The following GALNTL6 variants were observed in gnomAD, a reference collection of about 807,000 sequenced individuals.
The protein encoded by GALNTL6 is polypeptide N-acetylgalactosaminyltransferase like 6, also known as polypeptide N-acetylgalactosaminyltransferase-like 6.
Under a neutral mutation model 73.7 loss-of-function variants are expected in GALNTL6, and 46 were observed. The ratio of observed to expected loss-of-function variants is 0.62; its 90% confidence interval spans 0.49 to 0.80. The LOEUF is 0.80. Ranked by LOEUF, GALNTL6 falls within the 30% of genes least tolerant of loss-of-function variation. The pLI is 0.00. For synonymous variants in GALNTL6, 259 were observed against 263.7 expected (o/e 0.98, Z 0.17); for missense variants, 604 against 755.0 (o/e 0.80, Z 2.34).
intron 5 of GALNTL6, among the ~76,000 whole-genome samples, chr4:172,488,943 T>G (rs1733799993): frequency 1.3e-5 from 2 of 152,194 alleles, no homozygotes; most frequent in Admixed American, 1.3e-4. Context: ...CTGGCATTTC[T>G]GAATATCCCT....
intron 2 of GALNTL6, among the ~76,000 whole-genome samples, chr4:171,982,558 A>G (rs983134679): frequency 1.3e-5 from 2 of 152,016 alleles, no homozygotes; most frequent in African/African-American, 4.8e-5. Context: ...TCAGCCTCCC[A>G]AAGTGCTGGG....
intron 2 of GALNTL6, among the ~76,000 whole-genome samples, chr4:172,035,239 A>T (rs1029983123): frequency 2.6e-5 from 4 of 152,156 alleles, no homozygotes; most frequent in African/African-American, 9.6e-5. Context: ...TAAAGTTTTC[A>T]AGAATAATAG....
intron 2 of GALNTL6, among the ~76,000 whole-genome samples, chr4:172,051,409 C>T (rs1730859102): frequency 1.3e-5 from 2 of 152,116 alleles, no homozygotes; most frequent in Admixed American, 1.3e-4. Context: ...TCAGGTCACA[C>T]ATGGACTTGA....
intron 5 of GALNTL6, among the ~76,000 whole-genome samples, chr4:172,419,658 T>A (rs1339099674): frequency 6.6e-6 from 1 of 152,168 alleles, no homozygotes; most frequent in East Asian, 1.9e-4. Context: ...AAAATTGCAA[T>A]GAGAAGTGAG....
At chr4:173,009,145 C>A (rs1275151172) in intron 10 of GALNTL6, 33 bp from the exon 11 acceptor site, 6 of 1,382,092 alleles carry the variant, frequency 4.3e-6, no homozygotes, top group South Asian at 2.3e-5. Context: ...TACGACATAG[C>A]CCCACACTCA....
intron 9 of GALNTL6, among the ~76,000 whole-genome samples, chr4:172,941,013 T>A (rs1372006887): frequency 6.6e-6 from 1 of 152,218 alleles, no homozygotes; most frequent in African/African-American, 2.4e-5. Context: ...TTCCAACTTA[T>A]TTACTCTAAA....
chr4:172,062,336 G>A (rs201160979), intron 2 of GALNTL6, among the ~76,000 whole-genome samples: 61 of 152,126 alleles, frequency 4.0e-4, no homozygotes, highest in African/African-American at 1.2e-3. Context: ...GACCAAATAC[G>A]AATCAAATGT....
chr4:172,700,648 C>CA (rs1420627348), intron 5 of GALNTL6, among the ~76,000 whole-genome samples: 2 of 152,018 alleles, frequency 1.3e-5, no homozygotes, highest in Non-Finnish European at 2.9e-5. Flanking sequence ...CAAAGGAATA[C>CA]AAAAAAGGTG....
At chr4:171,988,227 C>G (rs1036780740) in intron 2 of GALNTL6, among the ~76,000 whole-genome samples, 2 of 152,062 alleles carry the variant, frequency 1.3e-5, no homozygotes, top group African/African-American at 4.8e-5. Context: ...ACTAAGCATG[C>G]CTAGGAAGGA....
chr4:172,350,498 GA>G (rs1487558386), intron 5 of GALNTL6, among the ~76,000 whole-genome samples: 1 of 152,048 alleles, frequency 6.6e-6, no homozygotes, highest in African/African-American at 2.4e-5. Context: ...AGTGAAAGGG[GA>G]TAACAGAAAA....
chr4:172,982,449 A>G (rs1751108378), intron 10 of GALNTL6, among the ~76,000 whole-genome samples: 1 of 152,200 alleles, frequency 6.6e-6, no homozygotes, highest in Admixed American at 6.5e-5. Flanking sequence ...TTTCCTCTAG[A>G]ATTGAGACTG....
In GALNTL6 at chr4:172,311,646, A is replaced by G. The variant is rs1740363934; in HGVS notation, c.280A>G (p.Thr94Ala). The G allele has an allele frequency of 6.2e-7, 1 of 1,610,838 alleles. No homozygotes were observed. The highest frequency in any genetic ancestry group is 1.1e-5 in the South Asian group (1 of 90,604). Residue 94 changes from threonine (T) to alanine (A), a missense_variant, in exon 4 of 13, where the codon ACT (threonine) becomes GCT (alanine). This residue lies in a region of GALNTL6 where 141 missense variants were observed against 156.6 expected (regional missense o/e 0.90). Transcript: ENST00000506823. ...KGEHGKPYPL[T>A]EEDHDDSAYR... ...TGAACATGGGAAACCTTACCCCCTT[A>G]CTGAAGAGGACCATGATGACTCAGC...
chr4:172,079,105 A>G (rs1035649868), intron 2 of GALNTL6, among the ~76,000 whole-genome samples: 10 of 152,110 alleles, frequency 6.6e-5, no homozygotes, highest in Admixed American at 4.6e-4. Flanking sequence ...ATCAAAGTCC[A>G]TATCTATATC....
At chr4:172,057,717 AAAAAAAAAAAATATATATATAT>A (rs1731063732) in intron 2 of GALNTL6, among the ~76,000 whole-genome samples, 1 of 80,316 alleles carries the variant, frequency 1.2e-5, no homozygotes, top group Non-Finnish European at 2.5e-5. Context: ...AAAAAAAAAA[AAAAAAAAAAAATATATATATAT>A]ATATATATAT....
chr4:172,908,930 A>G (rs1747053533), intron 8 of GALNTL6, among the ~76,000 whole-genome samples: 1 of 151,928 alleles, frequency 6.6e-6, no homozygotes, highest in African/African-American at 2.4e-5. Context: ...CTAGTTCATA[A>G]GAAGAAATAG....
chr4:172,283,050 ATGAG>A (rs1739121036), intron 3 of GALNTL6, among the ~76,000 whole-genome samples: 4 of 152,158 alleles, frequency 2.6e-5, no homozygotes, highest in African/African-American at 9.7e-5. Context: ...ATCTGGTTTA[ATGAG>A]GGGCATGTTA....
At chr4:172,929,537 C>T (rs1748222177) in intron 8 of GALNTL6, among the ~76,000 whole-genome samples, 1 of 152,134 alleles carries the variant, frequency 6.6e-6, no homozygotes, top group Admixed American at 6.5e-5. Context: ...AAGCTGGAGA[C>T]TCAGGGATTC....
intron 5 of GALNTL6, among the ~76,000 whole-genome samples, chr4:172,508,137 A>C (rs6830647): frequency 0.17 from 9,033 of 54,564 alleles, 3,878 homozygotes; most frequent in African/African-American, 0.38. Context: ...ATGATAAAAA[A>C]GCGTTTGTGT....
At chr4:171,960,688 T>TGAAAAA (rs745862164) in intron 2 of GALNTL6, among the ~76,000 whole-genome samples, 3 of 129,496 alleles carry the variant, frequency 2.3e-5, no homozygotes, top group African/African-American at 9.1e-5. Context: ...TGTCTTTATT[T>TGAAAAA]AAAAAAAAAA....
Sources: gnomAD v4.1 joint callset for allele counts (sites outside exome capture counted in the v4.1 genomes callset) on GRCh38, gnomAD v4.1.1 for gene constraint, gnomAD v4.1.1 regional missense constraint, MANE v1.5 for transcripts, NCBI Gene and HGNC (gene_info 2026-07-23, HGNC 2026-07-21) for gene names.